EBF1: variants seen among roughly 807,000 people sequenced by gnomAD.
EBF1 encodes the protein EBF transcription factor 1.
Under a neutral mutation model 68.4 loss-of-function variants are expected in EBF1, and 10 were observed. That is an observed-to-expected ratio of 0.15 (90% confidence interval 0.09 to 0.25). The LOEUF (loss-of-function observed/expected upper bound fraction) is 0.25. EBF1 is among the 10% of genes least tolerant of loss of function. The probability of loss-of-function intolerance (pLI) is 1.00; values close to 1 mark genes in which losing one functional copy is unlikely to be tolerated. For missense variants in EBF1, 509 were observed against 794.4 expected (o/e 0.64, Z 4.32); for synonymous variants, 298 against 299.8 (o/e 0.99, Z 0.06).
chr5:159,034,175 G>A (rs1769543819), intron 6 of EBF1, among the ~76,000 whole-genome samples: 1 of 152,094 alleles, frequency 6.6e-6, no homozygotes, highest in South Asian at 2.1e-4. Context: ...CTCAAACTAT[G>A]CTTTTTTTGA....
chr5:158,708,058 C>T lies in EBF1; in HGVS notation c.1665G>A (p.Lys555=). ...GTCTGACGACTGGTGCGAAAGCACT[C>T]TTCTGTTTCACGGCTGAGACCATGT... is the stretch of plus-strand genomic sequence containing the variant. ...PANMVSAVKQ[K]SAFAPVVRPQ... The change falls in exon 15 of 16, where the codon AAG becomes AAA. Residue 555 remains lysine (K), a synonymous_variant. Transcript: ENST00000313708. The T allele has an allele frequency of 1.9e-6, 3 of 1,561,448 alleles. No individual in the cohort carries two copies. Among genetic ancestry groups the T allele is most frequent in the Non-Finnish European group, 2.6e-6 (3 of 1,152,202 alleles).
chr5:158,735,530 A>C (rs535056245), intron 10 of EBF1, among the ~76,000 whole-genome samples: 3 of 152,166 alleles, frequency 2.0e-5, no homozygotes, highest in Non-Finnish European at 4.4e-5. Flanking sequence ...GCTCCCAAAC[A>C]GGAGAGTAAG....
intron 2 of EBF1, 145 bp downstream of exon 2, chr5:159,096,829 T>G: frequency 9.0e-7 from 1 of 1,111,516 alleles, no homozygotes; most frequent in Non-Finnish European, 1.2e-6. Flanking sequence ...TGGGTTCGTC[T>G]GGGATGGGAA....
intron 6 of EBF1, among the ~76,000 whole-genome samples, chr5:158,924,575 G>T (rs1466691050): frequency 6.6e-6 from 1 of 152,214 alleles, no homozygotes; most frequent in South Asian, 2.1e-4. Context: ...AAACTGGGCC[G>T]GGTGCGGTGG....
chr5:158,770,871 T>C (rs187218156), intron 10 of EBF1, among the ~76,000 whole-genome samples: 2 of 152,280 alleles, frequency 1.3e-5, no homozygotes, highest in East Asian at 3.9e-4. Context: ...CGTACCAGGT[T>C]TGAAATAGTA....
At chr5:158,912,815 C>G (rs1353039279) in intron 6 of EBF1, among the ~76,000 whole-genome samples, 1 of 152,148 alleles carries the variant, frequency 6.6e-6, no homozygotes, top group African/African-American at 2.4e-5. Context: ...TTCCTACTCT[C>G]TATCAGCCTC....
chr5:158,718,932 A>G (rs1001218823), intron 11 of EBF1, among the ~76,000 whole-genome samples: 8 of 152,188 alleles, frequency 5.3e-5, no homozygotes, highest in African/African-American at 1.7e-4. Context: ...GGCCAGTGAT[A>G]GGTTCTTAAT....
Position 158,963,731 on chromosome 5 carries a change from T to C in EBF1, c.554+109665A>G, listed in dbSNP as rs550023709. Among the ~76,000 whole-genome samples the C allele has an allele frequency of 2.6e-5, 4 of 152,336 alleles. No homozygotes were observed. The East Asian group carries it at 7.7e-4, about 29-fold the overall frequency. Reference sequence around the variant, plus strand: ...AAAAAGGCACCCATCCAGCTATTAATGAATGGCAGTATATAATGGAATATC... The same window carrying C: ...AAAAAGGCACCCATCCAGCTATTAACGAATGGCAGTATATAATGGAATATC... On this transcript the variant is annotated intron_variant, in intron 6 of 15. Transcript: ENST00000313708.
chr5:159,089,815 G>A (rs115020343), intron 4 of EBF1, among the ~76,000 whole-genome samples: 2,589 of 137,354 alleles, frequency 0.019, 72 homozygotes, highest in African/African-American at 0.063. Flanking sequence ...AAAGAAAGAA[G>A]GAAAGAAAGA....
At chr5:159,073,366 A>C in intron 6 of EBF1, 30 bp downstream of exon 6, 1 of 1,609,734 alleles carries the variant, frequency 6.2e-7, no homozygotes, top group Non-Finnish European at 8.5e-7. Context: ...ATGAGGAATA[A>C]GAATCCAGTG....
At chr5:158,702,450 G>A (rs1313871706) in intron 15 of EBF1, among the ~76,000 whole-genome samples, 1 of 152,160 alleles carries the variant, frequency 6.6e-6, no homozygotes, top group Non-Finnish European at 1.5e-5. Flanking sequence ...GGATGATCAT[G>A]TTCTCTGACA....
At chr5:158,834,671 CAGA>C (rs1788341592) in intron 7 of EBF1, among the ~76,000 whole-genome samples, 1 of 152,224 alleles carries the variant, frequency 6.6e-6, no homozygotes, top group Non-Finnish European at 1.5e-5. Context: ...GTTTACACAG[CAGA>C]AGCCCAGCCA....
intron 6 of EBF1, among the ~76,000 whole-genome samples, chr5:159,061,754 C>T (rs1306396237): frequency 6.6e-6 from 1 of 151,112 alleles, no homozygotes; most frequent in African/African-American, 2.4e-5. Flanking sequence ...ACGTTTCAAT[C>T]CTAAATAAAA....
intron 6 of EBF1, among the ~76,000 whole-genome samples, chr5:158,890,151 A>G (rs1390517618): frequency 1.1e-4 from 16 of 152,202 alleles, no homozygotes; most frequent in African/African-American, 3.9e-4. Flanking sequence ...AAATGAAAAT[A>G]TATATGCTAG....
chr5:158,826,716 C>T (rs531824338), intron 7 of EBF1, among the ~76,000 whole-genome samples: 4 of 152,044 alleles, frequency 2.6e-5, no homozygotes, highest in Non-Finnish European at 5.9e-5. Context: ...TTCATCTGGG[C>T]CTTCCTTTCT....
At chr5:158,765,681 G>C (rs1772507850) in intron 10 of EBF1, among the ~76,000 whole-genome samples, 1 of 152,110 alleles carries the variant, frequency 6.6e-6, no homozygotes, top group African/African-American at 2.4e-5. Flanking sequence ...TGTTGTTTCT[G>C]CTCATGATTT....
At chr5:158,929,552 C>T (rs552959646) in intron 6 of EBF1, among the ~76,000 whole-genome samples, 44 of 152,188 alleles carry the variant, frequency 2.9e-4, no homozygotes, top group Non-Finnish European at 5.6e-4. Flanking sequence ...GTGTCTACAG[C>T]ACAAGACCCT....
At chr5:159,098,310 C>T (rs1272552134) in intron 1 of EBF1, among the ~76,000 whole-genome samples, 8 of 152,184 alleles carry the variant, frequency 5.3e-5, no homozygotes, top group Non-Finnish European at 1.2e-4. Context: ...GCCTCCAGGC[C>T]ACACAGTCTA....
In EBF1 at chr5:158,840,711, G is replaced by A. The variant is rs1406190319; in HGVS notation, c.555-601C>T. Among the ~76,000 whole-genome samples, 8 of 110,728 alleles carry A rather than the reference G, an allele frequency of 7.2e-5. No homozygotes were observed. In the South Asian group the frequency reaches 9.8e-4, roughly 14 times the overall value. The allele number at this position is 110,728 out of a possible 152,430, so 72.6% of individuals were successfully genotyped here. ...TTTTGAGACGGAGTCTCGCTCTGTCGCCCAGGCTGGAGTGCAGTGGCGGGA... is the reference window on the plus strand; with the variant it reads ...TTTTGAGACGGAGTCTCGCTCTGTCACCCAGGCTGGAGTGCAGTGGCGGGA... On this transcript the variant is annotated intron_variant, in intron 6 of 15. Coordinates refer to ENST00000313708, the MANE Select transcript of EBF1 (RefSeq NM_024007.5).
Sources: gnomAD v4.1 joint callset for allele counts (sites outside exome capture counted in the v4.1 genomes callset) on GRCh38, gnomAD v4.1.1 for gene constraint, MANE v1.5 for transcripts, NCBI Gene and HGNC (gene_info 2026-07-23, HGNC 2026-07-21) for gene names.